The following ATP1A3 variants were observed in gnomAD, a reference collection of about 807,000 sequenced individuals.
The protein encoded by ATP1A3 is sodium/potassium-transporting ATPase subunit alpha-3.
In ATP1A3, 12 loss-of-function variants were observed where a neutral mutation model predicts 108.8. That is an observed-to-expected ratio of 0.11 (90% confidence interval 0.07 to 0.18). The LOEUF is 0.18. ATP1A3 is among the 10% of genes least tolerant of loss of function. The pLI is 1.00. For synonymous variants in ATP1A3, 539 were observed against 564.5 expected, an observed-to-expected ratio of 0.95 and a Z score of 0.64; for missense variants, 498 against 1,387.7, an observed-to-expected ratio of 0.36 and a Z score of 10.19.
Position 41,970,502 on chromosome 19 carries a change from G to A in ATP1A3, c.2304C>T (p.Tyr768=), listed in dbSNP as rs1555859605. 1.2e-6 allele frequency: 2 copies of A among 1,614,128 alleles called. No homozygotes were observed. Among genetic ancestry groups the A allele is most frequent in the Admixed American group, 1.7e-5 (1 of 60,012 alleles). Residue 768 remains tyrosine, a synonymous_variant, in exon 17 of 23, where the codon TAC becomes TAT. Transcript: ENST00000648268. The part of the protein sequence containing the change: ...IFDNLKKSIA[Y]TLTSNIPEIT... ...TCTCCGGGATATTGCTGGTCAGGGT[G>A]TAGGCAATGGACTTCTTTAGGTTGT... is the stretch of plus-strand genomic sequence containing the variant.
intron 4 of ATP1A3, 153 bp from the exon 5 acceptor site, chr19:41,986,382 G>C: frequency 1.5e-6 from 1 of 654,852 alleles, no homozygotes; most frequent in Non-Finnish European, 2.7e-6. Flanking sequence ...TGGTGTGTCT[G>C]AGTCTCCCCT....
intron 1 of ATP1A3, among the ~76,000 whole-genome samples, chr19:41,992,470 C>A (rs782811094): frequency 5.3e-5 from 8 of 152,126 alleles, no homozygotes; most frequent in Non-Finnish European, 1.0e-4. Context: ...GCAGCCTCTG[C>A]GCCTGGGCCG....
intron 1 of ATP1A3, among the ~76,000 whole-genome samples, chr19:41,989,211 A>T (rs970655877): frequency 6.6e-6 from 1 of 151,450 alleles, no homozygotes; most frequent in African/African-American, 2.4e-5. Context: ...AACTGTTGGG[A>T]TTATAGGAAT....
At chr19:41,986,611 T>C (rs2075288915) in intron 4 of ATP1A3, 1 of 274,928 alleles carries the variant, frequency 3.6e-6, no homozygotes, top group Non-Finnish European at 7.1e-6. Context: ...CTGGCTAATT[T>C]TGTGTATTTT....
rs782126723 is a variant in ATP1A3 at position 41,994,127 on chromosome 19, G to C, written c.-51C>G. On this transcript the variant is annotated 5_prime_UTR_variant, in exon 1 of 23. Coordinates refer to ENST00000648268, the MANE Select transcript of ATP1A3 (RefSeq NM_152296.5). ...CAGGCGGGCGGGGCGGGGACCTCGG[G>C]GCGGGCTCAGGCTCAGGCTTGGGCT... The C allele has an allele frequency of 1.3e-6, 2 of 1,534,380 alleles. No individual in the cohort carries two copies. Among genetic ancestry groups the C allele is most frequent in the Non-Finnish European group, 1.8e-6 (2 of 1,142,420 alleles).
chr19:41,974,688 G>C lies in ATP1A3; in HGVS notation c.2263+941C>G, dbSNP rs782459137. The stretch of plus-strand genomic sequence containing the variant: ...GATTATTTCTGGATGGCGAGGTTAC[G>C]GGTGATTCTACTTTTTTCCTGAATG... On this transcript the variant is annotated intron_variant, in intron 16 of 22. Coordinates refer to ENST00000648268, the MANE Select transcript of ATP1A3 (RefSeq NM_152296.5). 7.9e-5 allele frequency among the ~76,000 whole-genome samples: 12 copies of C among 152,314 alleles called. No individual in the cohort carries two copies. In the East Asian group the frequency reaches 1.9e-3, roughly 24 times the overall value.
chr19:41,982,364 G>A (rs965291679), intron 8 of ATP1A3, among the ~76,000 whole-genome samples: 8 of 152,132 alleles, frequency 5.3e-5, no homozygotes, highest in Non-Finnish European at 1.0e-4. Flanking sequence ...AGTGGCTCAC[G>A]CCTGTAATCC....
Position 41,968,991 on chromosome 19 carries a change from T to C in ATP1A3, c.2689-76A>G, listed in dbSNP as rs2075073805. ...CCTAGCCGCCACCCCGACGTTCCGGTGCTCTTTGCCCCGCCCCATCCTGCA... is the reference window on the plus strand; with the variant it reads ...CCTAGCCGCCACCCCGACGTTCCGGCGCTCTTTGCCCCGCCCCATCCTGCA... On this transcript the variant is annotated intron_variant, in intron 19 of 22. Transcript: ENST00000648268. The surrounding 1 kb of genome is among the most constrained non-coding windows in gnomAD (Gnocchi z 5.0). 24 of 1,605,104 alleles carry C rather than the reference T, an allele frequency of 1.5e-5. No individual in the cohort carries two copies. Among genetic ancestry groups the C allele is most frequent in the Non-Finnish European group, 2.0e-5 (24 of 1,175,792 alleles).
intron 16 of ATP1A3, among the ~76,000 whole-genome samples, chr19:41,971,769 G>A (rs782465878): frequency 4.1e-4 from 63 of 152,202 alleles, no homozygotes; most frequent in Middle Eastern, 3.4e-3. Context: ...AAACCTAAAT[G>A]GGGGGCTGGA....
chr19:41,972,679 C>T (rs1363544188), intron 16 of ATP1A3, among the ~76,000 whole-genome samples: 5 of 149,714 alleles, frequency 3.3e-5, no homozygotes, highest in Non-Finnish European at 4.4e-5. Flanking sequence ...GCAGAAGAAT[C>T]GCTTGAAGCT....
At chr19:41,992,631 T>A (rs1410168875) in intron 1 of ATP1A3, among the ~76,000 whole-genome samples, 1 of 152,000 alleles carries the variant, frequency 6.6e-6, no homozygotes, top group African/African-American at 2.4e-5. Context: ...TCTCTTCCTC[T>A]GAGCCTCAGT....
rs1555862390 is a variant in ATP1A3 at position 41,978,828 on chromosome 19, G to T, written c.1438-30C>A. The T allele has an allele frequency of 6.2e-7, 1 of 1,610,998 alleles. No individual in the cohort carries two copies. The highest frequency in any genetic ancestry group is 1.7e-5 in the Admixed American group (1 of 59,934). ...GGACCGATCAGAGGGTGGCGTGCCTGAGCCACGCAGACACCAGGAAGCTCC... is the reference window on the plus strand; with the variant it reads ...GGACCGATCAGAGGGTGGCGTGCCTTAGCCACGCAGACACCAGGAAGCTCC... On this transcript the variant is annotated intron_variant, in intron 11 of 22. Transcript: ENST00000648268. The surrounding 1 kb of genome is among the most constrained non-coding windows in gnomAD (Gnocchi z 8.3).
intron 1 of ATP1A3, chr19:41,993,475 C>T (rs2145994202): frequency 6.5e-7 from 1 of 1,528,570 alleles, no homozygotes; most frequent in South Asian, 1.2e-5. Context: ...CACACTGCAG[C>T]CCCAGGCTGC....
intron 16 of ATP1A3, among the ~76,000 whole-genome samples, chr19:41,974,850 A>C (rs2075148844): frequency 6.6e-6 from 1 of 152,098 alleles, no homozygotes; most frequent in African/African-American, 2.4e-5. Flanking sequence ...CCAGCCTCAG[A>C]CCCAGCCCCT....
chr19:41,982,761 AC>A (rs1555863986), intron 8 of ATP1A3, among the ~76,000 whole-genome samples: 1 of 152,250 alleles, frequency 6.6e-6, no homozygotes, highest in Non-Finnish European at 1.5e-5. Flanking sequence ...GCATGGGTGA[AC>A]GTCAAAAACA....
At chr19:41,977,566 G>A (rs2075185152) in intron 14 of ATP1A3, among the ~76,000 whole-genome samples, 1 of 151,854 alleles carries the variant, frequency 6.6e-6, no homozygotes, top group Non-Finnish European at 1.5e-5. Context: ...GGGGCATGGT[G>A]GAGGGCCCCT....
rs1555865976 is a variant in ATP1A3 at position 41,987,954 on chromosome 19, G to A, written c.339C>T (p.Asp113=). ...CACTCACGTTGTCACCAGAGGGGTC[G>A]TCCTCGGTGCCCGCCTGGATACCGT... ...LAYGIQAGTE[D]DPSGDNLYLG... The change falls in exon 4 of 23, where the codon GAC becomes GAT. Residue 113 remains aspartate, a synonymous_variant. Coordinates refer to ENST00000648268, the MANE Select transcript of ATP1A3 (RefSeq NM_152296.5). 2.5e-6 allele frequency: 4 copies of A among 1,613,924 alleles called. No homozygotes were observed. Among genetic ancestry groups the A allele is most frequent in the East Asian group, 2.2e-5 (1 of 44,876 alleles).
At chr19:41,980,530 C>T (rs185149111) in intron 11 of ATP1A3, among the ~76,000 whole-genome samples, 114 of 152,248 alleles carry the variant, frequency 7.5e-4, no homozygotes, top group African/African-American at 2.6e-3. Context: ...ATGAGAATCA[C>T]TTGAACCCAG....
At chr19:41,974,867 G>A (rs147515033) in intron 16 of ATP1A3, among the ~76,000 whole-genome samples, 22 of 152,132 alleles carry the variant, frequency 1.4e-4, no homozygotes, top group African/African-American at 4.3e-4. Flanking sequence ...CCCTCACACC[G>A]CCTTGCCTGT....
Sources: allele counts gnomAD v4.1 joint callset (sites outside exome capture counted in the v4.1 genomes callset), GRCh38; gene constraint gnomAD v4.1.1; non-coding constraint Gnocchi (gnomAD v3.1); transcripts MANE v1.5; gene names NCBI Gene and HGNC (gene_info 2026-07-23, HGNC 2026-07-21).